GALNT14: variants seen among roughly 807,000 people sequenced by gnomAD.
The protein encoded by GALNT14 is polypeptide N-acetylgalactosaminyltransferase 14.
GALNT14 carries 60 observed loss-of-function variants against 77.5 expected under a neutral mutation model. The ratio of observed to expected loss-of-function variants is 0.77; its 90% confidence interval spans 0.63 to 0.96. The LOEUF is 0.96. Among genes scored for constraint, GALNT14 ranks in the 40% least tolerant of loss-of-function variants. The pLI, the probability that GALNT14 is intolerant of heterozygous loss-of-function variation, is 0.00. For missense variants in GALNT14, 710 were observed against 731.0 expected (o/e 0.97, Z 0.33); for synonymous variants, 280 against 281.7 (o/e 0.99, Z 0.06).
intron 1 of GALNT14, among the ~76,000 whole-genome samples, chr2:31,053,971 G>T (rs72854834): frequency 0.027 from 4,187 of 152,270 alleles, 183 homozygotes; most frequent in African/African-American, 0.094. Flanking sequence ...AGTGTAGTTA[G>T]GCAAAACCCA....
intron 1 of GALNT14, among the ~76,000 whole-genome samples, chr2:31,102,489 C>T (rs1410505971): frequency 1.3e-5 from 2 of 151,952 alleles, no homozygotes; most frequent in South Asian, 2.1e-4. Flanking sequence ...TATTAATTTC[C>T]AGTTTAATTG....
intron 1 of GALNT14, among the ~76,000 whole-genome samples, chr2:31,072,313 ACACACACACG>A (rs1675458593): frequency 1.6e-5 from 2 of 127,578 alleles, no homozygotes; most frequent in African/African-American, 3.3e-5. Context: ...ATACACACAC[ACACACACACG>A]CATGCGGACG....
chr2:31,097,365 T>G (rs1331406966), intron 1 of GALNT14, among the ~76,000 whole-genome samples: 1 of 152,062 alleles, frequency 6.6e-6, no homozygotes, highest in Non-Finnish European at 1.5e-5. Context: ...TCTCAGACCA[T>G]GTGCTTGCTC....
At chr2:30,985,477 A>C (rs2148387136) in intron 2 of GALNT14, among the ~76,000 whole-genome samples, 1 of 152,086 alleles carries the variant, frequency 6.6e-6, no homozygotes, top group Non-Finnish European at 1.5e-5. Context: ...GACAAAAATA[A>C]CTACACAGAA....
intron 6 of GALNT14, among the ~76,000 whole-genome samples, chr2:30,952,910 A>G (rs975863480): frequency 6.6e-6 from 1 of 152,154 alleles, no homozygotes; most frequent in African/African-American, 2.4e-5. Context: ...GTTTTCCACT[A>G]TACTGCAGTC....
intron 2 of GALNT14, among the ~76,000 whole-genome samples, chr2:30,982,526 T>C (rs1388172061): frequency 6.6e-6 from 1 of 152,246 alleles, no homozygotes; most frequent in Non-Finnish European, 1.5e-5. Flanking sequence ...CTGAGTTTCA[T>C]GCACAGAACT....
intron 1 of GALNT14, among the ~76,000 whole-genome samples, chr2:31,018,600 G>A (rs1450826183): frequency 1.3e-5 from 2 of 152,160 alleles, no homozygotes; most frequent in African/African-American, 4.8e-5. Flanking sequence ...TGAGATTTGG[G>A]TGGGGACACA....
intron 1 of GALNT14, among the ~76,000 whole-genome samples, chr2:31,010,693 C>T (rs1474884572): frequency 1.3e-5 from 2 of 152,290 alleles, no homozygotes; most frequent in Non-Finnish European, 1.5e-5. Flanking sequence ...GAATGCTGTC[C>T]TCACTCTTTC....
intron 13 of GALNT14, among the ~76,000 whole-genome samples, chr2:30,916,316 G>A (rs913788707): frequency 3.9e-5 from 6 of 152,188 alleles, no homozygotes; most frequent in African/African-American, 1.2e-4. Flanking sequence ...TCTGTGCCCG[G>A]TTACAGAAAT....
intron 1 of GALNT14, among the ~76,000 whole-genome samples, chr2:31,113,437 G>C (rs545527474): frequency 6.6e-6 from 1 of 152,268 alleles, no homozygotes; most frequent in African/African-American, 2.4e-5. Context: ...GAGTAGGAGA[G>C]GCCCCTGGGA....
At chr2:30,926,917 G>A (rs1290290589) in intron 11 of GALNT14, among the ~76,000 whole-genome samples, 1 of 152,236 alleles carries the variant, frequency 6.6e-6, no homozygotes, top group African/African-American at 2.4e-5. Flanking sequence ...CTGGGCACTG[G>A]AGGAATGGAA....
chr2:30,972,656 C>T (rs1008932508), intron 2 of GALNT14, among the ~76,000 whole-genome samples: 2 of 152,230 alleles, frequency 1.3e-5, no homozygotes, highest in East Asian at 3.8e-4. Flanking sequence ...GTTGTAATAC[C>T]TCTGAACCAG....
intron 1 of GALNT14, among the ~76,000 whole-genome samples, chr2:31,127,647 T>C (rs956093674): frequency 2.6e-5 from 4 of 152,220 alleles, no homozygotes; most frequent in Non-Finnish European, 4.4e-5. Flanking sequence ...GTTGGGTTTA[T>C]ATGTAGGAGT....
chr2:31,130,785 C>T (rs7608075), intron 1 of GALNT14, among the ~76,000 whole-genome samples: 12,314 of 89,016 alleles, frequency 0.14, 551 homozygotes, highest in African/African-American at 0.22. Flanking sequence ...TGTGTGTGTG[C>T]GCGCGCACCT....
At chr2:30,966,432 G>T (rs1009548367) in intron 2 of GALNT14, 130 bp from the exon 3 acceptor site, 6 of 667,962 alleles carry the variant, frequency 9.0e-6, no homozygotes, top group Admixed American at 6.5e-5. Flanking sequence ...TTCCCCAGCT[G>T]CAGAGTACTA....
intron 1 of GALNT14, among the ~76,000 whole-genome samples, chr2:31,098,058 C>G (rs749030057): frequency 5.3e-5 from 8 of 152,168 alleles, no homozygotes; most frequent in Non-Finnish European, 1.0e-4. Context: ...TGAGTAATCT[C>G]AAGCTGGCCT....
At chr2:30,967,342 T>C (rs1252664153) in intron 2 of GALNT14, among the ~76,000 whole-genome samples, 1 of 152,222 alleles carries the variant, frequency 6.6e-6, no homozygotes, top group Non-Finnish European at 1.5e-5. Flanking sequence ...GCCTAAAGCA[T>C]TTAAGATCCT....
At chr2:30,939,078 G>A (rs1220022798) in intron 9 of GALNT14, among the ~76,000 whole-genome samples, 2 of 152,172 alleles carry the variant, frequency 1.3e-5, no homozygotes, top group Non-Finnish European at 2.9e-5. Flanking sequence ...CCCACATTTA[G>A]TGAGTAGTTT....
chr2:30,952,057 G>A (rs541560071), intron 6 of GALNT14, among the ~76,000 whole-genome samples: 20 of 152,234 alleles, frequency 1.3e-4, no homozygotes, highest in African/African-American at 3.6e-4. Context: ...ACACTACAAC[G>A]CATCTGCCAT....
Sources: allele counts gnomAD v4.1 joint callset (sites outside exome capture counted in the v4.1 genomes callset), GRCh38; gene constraint gnomAD v4.1.1; transcripts MANE v1.5; gene names NCBI Gene and HGNC (gene_info 2026-07-23, HGNC 2026-07-21).